PCDH11X: variants seen among roughly 807,000 people sequenced by gnomAD.
PCDH11X encodes protocadherin-11 X-linked.
Under a neutral mutation model 53.3 loss-of-function variants are expected in PCDH11X, and 18 were observed. The ratio of observed to expected loss-of-function variants is 0.34; its 90% confidence interval spans 0.23 to 0.50. PCDH11X has a LOEUF of 0.50. Among genes scored for constraint, PCDH11X ranks in the 20% least tolerant of loss-of-function variants. The probability of loss-of-function intolerance (pLI) is 0.98; values close to 1 mark genes in which losing one functional copy is unlikely to be tolerated. For synonymous variants in PCDH11X, 279 were observed against 393.3 expected (o/e 0.71, Z 3.44); for missense variants, 570 against 1,032.4 (o/e 0.55, Z 6.14).
chrX:92,081,711 AACACACAC>A (rs34848503), intron 6 of PCDH11X, among the ~76,000 whole-genome samples: 1 of 100,837 alleles, frequency 9.9e-6, no homozygotes, highest in African/African-American at 3.6e-5. Flanking sequence ...CTGAGCCAAT[AACACACAC>A]ACACACACAC....
In PCDH11X at chrX:92,213,106, C is replaced by T. The variant is rs1218384790; in HGVS notation, c.3114+11651C>T. Among the ~76,000 whole-genome samples the T allele has an allele frequency of 2.7e-5, 3 of 111,825 alleles. No individual in the cohort carries two copies. In the East Asian group the frequency reaches 8.4e-4, roughly 31 times the overall value. The stretch of plus-strand genomic sequence containing the variant: ...ACAAGTTTAGAGGTAACTCTTCAGA[C>T]AGTAGAAAGACTAAATATAAAAAAA... On this transcript the variant is annotated intron_variant, in intron 7 of 10. Transcript: ENST00000682573.
chrX:92,517,329 A>C (rs779597617), intron 10 of PCDH11X, among the ~76,000 whole-genome samples: 7 of 112,141 alleles, frequency 6.2e-5, no homozygotes, highest in Non-Finnish European at 1.3e-4. Context: ...TCTGAAAGCC[A>C]ATTCAGGCTC....
chrX:92,097,929 T>C (rs2064168025), intron 6 of PCDH11X, among the ~76,000 whole-genome samples: 1 of 111,001 alleles, frequency 9.0e-6, no homozygotes, highest in Non-Finnish European at 1.9e-5. Flanking sequence ...ATAGTCATTA[T>C]ACTGTATTAT....
chrX:92,215,903 C>T lies in PCDH11X; in HGVS notation c.3114+14448C>T, dbSNP rs181750789. Among the ~76,000 whole-genome samples, 420 of 110,080 alleles carry T rather than the reference C, an allele frequency of 3.8e-3. 2 individuals carry two copies. Among genetic ancestry groups the T allele is most frequent in the Non-Finnish European group, 4.8e-3 (254 of 52,824 alleles). ...AGCAGCATTCGCGGTTCACGAAAAT[C>T]CGTGGTTCTGCAGCCACCGCTGCTG... is the stretch of plus-strand genomic sequence containing the variant. On this transcript the variant is annotated intron_variant, in intron 7 of 10. Coordinates refer to ENST00000682573, the MANE Select transcript of PCDH11X (RefSeq NM_032968.5).
chrX:92,458,388 C>T (rs1215331852), intron 9 of PCDH11X, among the ~76,000 whole-genome samples: 1 of 103,448 alleles, frequency 9.7e-6, no homozygotes, highest in African/African-American at 3.5e-5. Flanking sequence ...ATTCCAATTC[C>T]ACTCTTTTAG....
intron 6 of PCDH11X, among the ~76,000 whole-genome samples, chrX:92,017,706 A>AAT (rs1289878815): frequency 4.3e-5 from 4 of 93,537 alleles, no homozygotes; most frequent in African/African-American, 7.9e-5. Context: ...CTCTGTCTCA[A>AAT]ATATATATAT....
At chrX:92,245,516 G>T (rs1485028978) in intron 7 of PCDH11X, among the ~76,000 whole-genome samples, 1 of 112,508 alleles carries the variant, frequency 8.9e-6, no homozygotes, top group Non-Finnish European at 1.9e-5. Context: ...GTTCCCTTAA[G>T]GAGACTCTAA....
At chrX:92,505,815 T>C (rs2074047280) in intron 10 of PCDH11X, among the ~76,000 whole-genome samples, 2 of 110,637 alleles carry the variant, frequency 1.8e-5, no homozygotes, top group African/African-American at 6.5e-5. Context: ...GCTTTCTATG[T>C]GCTGTGTCAT....
intron 1 of PCDH11X, among the ~76,000 whole-genome samples, chrX:91,789,035 T>A (rs1371145835): frequency 9.3e-6 from 1 of 107,131 alleles, no homozygotes; most frequent in Non-Finnish European, 1.9e-5. Context: ...CCGTCTCTAC[T>A]AAAAAAAATT....
intron 9 of PCDH11X, among the ~76,000 whole-genome samples, chrX:92,434,286 C>T (rs2578818): frequency 0.28 from 30,150 of 106,830 alleles, 5,343 homozygotes; most frequent in African/African-American, 0.61. Flanking sequence ...AAATGAACTA[C>T]CTTTCATAAC....
intron 6 of PCDH11X, among the ~76,000 whole-genome samples, chrX:92,078,101 C>T (rs1029462656): frequency 2.8e-5 from 3 of 107,855 alleles, no homozygotes; most frequent in Admixed American, 2.0e-4. Flanking sequence ...CCCTCTTCTG[C>T]GTACCTGTTA....
chrX:92,546,779 G>A (rs1351670025), intron 10 of PCDH11X, among the ~76,000 whole-genome samples: 2 of 111,406 alleles, frequency 1.8e-5, no homozygotes, highest in Admixed American at 9.5e-5. Flanking sequence ...CTCCATTTAC[G>A]CAAGTATATT....
intron 8 of PCDH11X, among the ~76,000 whole-genome samples, chrX:92,319,316 G>A (rs2069147720): frequency 9.0e-6 from 1 of 111,492 alleles, no homozygotes; most frequent in Non-Finnish European, 1.9e-5. Flanking sequence ...AGACTGTCTT[G>A]CAAAATTATT....
At chrX:92,046,972 G>GA (rs1332763493) in intron 6 of PCDH11X, among the ~76,000 whole-genome samples, 1 of 94,008 alleles carries the variant, frequency 1.1e-5, no homozygotes, top group Non-Finnish European at 2.0e-5. Context: ...ATTCAATTAA[G>GA]AAAAAACATT....
chrX:92,419,644 T>G (rs2071907770), intron 9 of PCDH11X, among the ~76,000 whole-genome samples: 1 of 105,245 alleles, frequency 9.5e-6, no homozygotes, highest in Admixed American at 1.0e-4. Context: ...TTCTCTTTTC[T>G]GTTTCTCTCT....
intron 9 of PCDH11X, among the ~76,000 whole-genome samples, chrX:92,421,838 T>TGC (rs1569484284): frequency 9.0e-6 from 1 of 110,694 alleles, no homozygotes; most frequent in Non-Finnish European, 1.9e-5. Context: ...ATTGTGCTTG[T>TGC]AGGTCACACG....
intron 6 of PCDH11X, among the ~76,000 whole-genome samples, chrX:92,148,270 G>A (rs1322391381): frequency 1.1e-5 from 1 of 91,777 alleles, no homozygotes; most frequent in African/African-American, 4.1e-5. Flanking sequence ...TGCTCAGGCT[G>A]GAGGCTGGAG....
At chrX:92,175,343 C>T (rs1161938856) in intron 6 of PCDH11X, among the ~76,000 whole-genome samples, 4 of 111,332 alleles carry the variant, frequency 3.6e-5, no homozygotes, top group East Asian at 2.8e-4. Flanking sequence ...TCTTGTACAT[C>T]GGCAGCTTCC....
At chrX:92,215,360 T>G (rs2066677086) in intron 7 of PCDH11X, among the ~76,000 whole-genome samples, 1 of 106,889 alleles carries the variant, frequency 9.4e-6, no homozygotes, top group Admixed American at 1.0e-4. Context: ...AATACTGCGC[T>G]TTTCCGATGA....
Sources: gnomAD v4.1 joint callset for allele counts (sites outside exome capture counted in the v4.1 genomes callset) on GRCh38, gnomAD v4.1.1 for gene constraint, MANE v1.5 for transcripts, NCBI Gene and HGNC (gene_info 2026-07-23, HGNC 2026-07-21) for gene names.